AGBL4: variants seen among roughly 807,000 people sequenced by gnomAD.
AGBL4 encodes cytosolic carboxypeptidase 6.
AGBL4 carries 58 observed loss-of-function variants against 66.4 expected under a neutral mutation model. The ratio of observed to expected loss-of-function variants is 0.87; its 90% confidence interval spans 0.71 to 1.09. AGBL4 has a LOEUF of 1.09. AGBL4 is among the 50% of genes least tolerant of loss of function. AGBL4 has a pLI of 0.00. For synonymous variants in AGBL4, 234 were observed against 222.9 expected (o/e 1.05, Z -0.44); for missense variants, 579 against 631.0 (o/e 0.92, Z 0.88).
intron 7 of AGBL4, 31 bp from the exon 8 acceptor site, chr1:48,653,482 C>A: frequency 7.0e-7 from 1 of 1,435,744 alleles, no homozygotes; most frequent in Non-Finnish European, 9.5e-7. Flanking sequence ...GGTTTAACAA[C>A]AAAGCATTTC....
intron 3 of AGBL4, among the ~76,000 whole-genome samples, chr1:49,559,426 T>C (rs1020835002): frequency 6.6e-6 from 1 of 152,124 alleles, no homozygotes; most frequent in African/African-American, 2.4e-5. Flanking sequence ...ATATTAAGTG[T>C]CAACTTGATT....
chr1:49,570,327 A>T (rs1644301425), intron 3 of AGBL4, among the ~76,000 whole-genome samples: 1 of 152,130 alleles, frequency 6.6e-6, no homozygotes, highest in Non-Finnish European at 1.5e-5. Context: ...TCTCATGATT[A>T]GTGATGTTCA....
At chr1:48,908,142 G>T (rs1391961548) in intron 5 of AGBL4, among the ~76,000 whole-genome samples, 1 of 152,064 alleles carries the variant, frequency 6.6e-6, no homozygotes, top group Non-Finnish European at 1.5e-5. Flanking sequence ...CAGTAATTTG[G>T]TCCTGACCTT....
intron 6 of AGBL4, among the ~76,000 whole-genome samples, chr1:48,845,647 A>G (rs778185692): frequency 6.6e-6 from 1 of 152,210 alleles, no homozygotes; most frequent in African/African-American, 2.4e-5. Context: ...TGTACCCTTT[A>G]TTCCTCCTGT....
chr1:48,648,140 A>G (rs1645868484), intron 8 of AGBL4, among the ~76,000 whole-genome samples: 1 of 152,166 alleles, frequency 6.6e-6, no homozygotes, highest in Non-Finnish European at 1.5e-5. Flanking sequence ...ATGTGCTACC[A>G]ACAACACCAT....
intron 2 of AGBL4, among the ~76,000 whole-genome samples, chr1:49,826,328 T>C (rs1284928832): frequency 6.6e-6 from 1 of 152,208 alleles, no homozygotes; most frequent in African/African-American, 2.4e-5. Context: ...CTATGAGACA[T>C]TCTTTCAACA....
chr1:48,689,438 T>C (rs1317239189), intron 6 of AGBL4, among the ~76,000 whole-genome samples: 1 of 147,712 alleles, frequency 6.8e-6, no homozygotes, highest in African/African-American at 2.6e-5. Context: ...TCTTCTTTCC[T>C]TCCCTCCCTC....
At chr1:50,002,960 T>A (rs1193878915) in intron 1 of AGBL4, among the ~76,000 whole-genome samples, 1 of 151,928 alleles carries the variant, frequency 6.6e-6, no homozygotes, top group Non-Finnish European at 1.5e-5. Context: ...TTAATAGAAG[T>A]TAATCAAAGT....
In AGBL4 at chr1:48,704,086, G is replaced by A. The variant is rs571754824; in HGVS notation, c.635-40845C>T. Reference sequence around the variant, plus strand: ...AGCATGGTACTGTACTGAGTACTACGGGAAATTGTAACTCAATGGAAAGTA... The same window carrying A: ...AGCATGGTACTGTACTGAGTACTACAGGAAATTGTAACTCAATGGAAAGTA... On this transcript the variant is annotated intron_variant, in intron 6 of 13. Coordinates refer to ENST00000371839, the MANE Select transcript of AGBL4 (RefSeq NM_032785.4). 1.2e-4 allele frequency among the ~76,000 whole-genome samples: 19 copies of A among 152,272 alleles called. No homozygotes were observed. In the South Asian group the frequency reaches 3.9e-3, roughly 32 times the overall value.
chr1:49,864,913 T>G (rs910955952), intron 1 of AGBL4, among the ~76,000 whole-genome samples: 1 of 152,212 alleles, frequency 6.6e-6, no homozygotes, highest in Non-Finnish European at 1.5e-5. Flanking sequence ...TGTTTTCTTC[T>G]GGCAGTGCTG....
At chr1:49,628,886 C>A (rs995250719) in intron 3 of AGBL4, among the ~76,000 whole-genome samples, 1 of 152,086 alleles carries the variant, frequency 6.6e-6, no homozygotes, top group African/African-American at 2.4e-5. Context: ...GCTATGTTCC[C>A]GAGGCCTTCT....
intron 6 of AGBL4, among the ~76,000 whole-genome samples, chr1:48,714,053 T>A (rs1647008664): frequency 6.6e-6 from 1 of 152,172 alleles, no homozygotes; most frequent in Non-Finnish European, 1.5e-5. Flanking sequence ...TACTATAACA[T>A]GATCTTTAGA....
intron 3 of AGBL4, among the ~76,000 whole-genome samples, chr1:49,574,130 G>A (rs1056703807): frequency 3.3e-5 from 5 of 152,168 alleles, no homozygotes; most frequent in African/African-American, 1.2e-4. Context: ...AAGGGTGAGA[G>A]TGTGAACAAT....
intron 5 of AGBL4, among the ~76,000 whole-genome samples, chr1:49,019,887 T>C (rs1663110624): frequency 6.6e-6 from 1 of 152,232 alleles, no homozygotes; most frequent in Non-Finnish European, 1.5e-5. Context: ...CTCAGTTTCC[T>C]GATCTTTAAA....
At chr1:49,170,191 T>C (rs1375960282) in intron 4 of AGBL4, among the ~76,000 whole-genome samples, 2 of 147,414 alleles carry the variant, frequency 1.4e-5, no homozygotes, top group African/African-American at 4.9e-5. Flanking sequence ...TTTATATTCA[T>C]ATAAATATGT....
chr1:49,969,315 C>T (rs961380769), intron 1 of AGBL4, among the ~76,000 whole-genome samples: 1 of 152,040 alleles, frequency 6.6e-6, no homozygotes, highest in Non-Finnish European at 1.5e-5. Context: ...TATCCATCAC[C>T]TCCAAAAGTT....
intron 6 of AGBL4, among the ~76,000 whole-genome samples, chr1:48,786,016 A>T (rs1401037197): frequency 1.6e-5 from 2 of 122,200 alleles, no homozygotes; most frequent in Admixed American, 7.7e-5. Context: ...CCCTAGACTT[A>T]AAAAAAAAAA....
intron 3 of AGBL4, among the ~76,000 whole-genome samples, chr1:49,521,152 A>G (rs1331184693): frequency 3.3e-5 from 5 of 152,086 alleles, no homozygotes; most frequent in African/African-American, 1.2e-4. Flanking sequence ...TTTATACAGT[A>G]CATTTACAAT....
In AGBL4 at chr1:49,844,248, C is replaced by T. The variant is rs142608019; in HGVS notation, c.157+7148G>A. Among the ~76,000 whole-genome samples the T allele has an allele frequency of 3.4e-3, 513 of 152,242 alleles. 5 individuals carry two copies. The highest frequency in any genetic ancestry group is 0.012 in the African/African-American group (495 of 41,554). ...GTCAGCAGACTTTCCCCATGCAGCA[C>T]CTTTTTCTCTGTTGCCACCTGGCAT... On this transcript the variant is annotated intron_variant, in intron 2 of 13. Coordinates refer to ENST00000371839, the MANE Select transcript of AGBL4 (RefSeq NM_032785.4).
Sources: allele counts gnomAD v4.1 joint callset (sites outside exome capture counted in the v4.1 genomes callset), GRCh38; gene constraint gnomAD v4.1.1; transcripts MANE v1.5; gene names NCBI Gene and HGNC (gene_info 2026-07-23, HGNC 2026-07-21).